Variants in FIBP observed in about 807,000 individuals in gnomAD.
The protein encoded by FIBP is acidic fibroblast growth factor intracellular-binding protein.
A neutral mutation model predicts 40.5 loss-of-function variants in FIBP; 29 were observed. That is an observed-to-expected ratio of 0.72 (90% CI 0.53 to 0.98). FIBP has a LOEUF of 0.98. Ranked by LOEUF, FIBP falls within the 50% of genes least tolerant of loss-of-function variation. FIBP has a pLI of 0.00. For missense variants in FIBP, 411 were observed against 470.2 expected, an observed-to-expected ratio of 0.87 and a Z score of 1.16; for synonymous variants, 215 against 191.1, an observed-to-expected ratio of 1.13 and a Z score of -1.03.
In FIBP at chr11:65,888,352, A is replaced by G; in HGVS notation, c.67T>C (p.Trp23Arg). The change falls in exon 1 of 10, where the codon TGG becomes CGG. Residue 23 changes from tryptophan (W) to arginine (R), a missense_variant. By Grantham distance (101) the Trp-to-Arg change is moderately radical. Coordinates refer to ENST00000357519, the MANE Select transcript of FIBP (RefSeq NM_004214.5). Reference sequence around the variant, plus strand: ...CACGGACCCGAGTAACCATCGAGCCAGAGGCGATACACGTCCTCGTCGATA... The same window carrying G: ...CACGGACCCGAGTAACCATCGAGCCGGAGGCGATACACGTCCTCGTCGATA... ...TLIDEDVYRL[W>R]LDGYSVTDAV... 1 of 1,557,830 alleles carries G rather than the reference A, an allele frequency of 6.4e-7. No individual in the cohort carries two copies. The highest frequency in any genetic ancestry group is 8.7e-7 in the Non-Finnish European group (1 of 1,150,398).
intron 3 of FIBP, 68 bp downstream of exon 3, chr11:65,887,532 G>A (rs1199793321): frequency 6.4e-7 from 1 of 1,555,414 alleles, no homozygotes; most frequent in Admixed American, 1.7e-5. Flanking sequence ...GCTGGAACTG[G>A]GCCAGTGGCC....
chr11:65,885,877 T>C (rs1040158084), intron 4 of FIBP: 3 of 552,188 alleles, frequency 5.4e-6, no homozygotes, highest in Non-Finnish European at 9.6e-6. Context: ...TGGGAGACCA[T>C]AAGGGTAACA....
Position 65,884,422 on chromosome 11 carries a change from G to T in FIBP, c.974C>A (p.Ser325Ter). Reference sequence around the variant, plus strand: ...GCCATCGAGGGAGTGGACAGACGCTGAATACTGATTCAGGAAGAACCGCAC... The same window carrying T: ...GCCATCGAGGGAGTGGACAGACGCTTAATACTGATTCAGGAAGAACCGCAC... Reference protein sequence around the residue: ...SDVRFFLNQYSASVHSLDGFR... With the variant: ...SDVRFFLNQY Residue 325 changes from serine (S) to a stop codon, truncating the protein, a stop_gained, in exon 9 of 10, where the codon TCA becomes TAA. Transcript: ENST00000357519. LOFTEE classifies it high-confidence loss of function. 1 of 1,614,126 alleles carries T rather than the reference G, an allele frequency of 6.2e-7. No individual in the cohort carries two copies. Among genetic ancestry groups the T allele is most frequent in the Non-Finnish European group, 8.5e-7 (1 of 1,180,018 alleles).
At chr11:65,886,104 T>C (rs1218221638) in intron 4 of FIBP, 5 of 505,332 alleles carry the variant, frequency 9.9e-6, no homozygotes, top group Non-Finnish European at 1.8e-5. Context: ...AGGCAGAGGT[T>C]GCAGTGAGCC....
At position 65,888,437 on chromosome 11, in the gene FIBP, A is replaced by C; in HGVS notation, c.-19T>G. 1 of 1,549,920 alleles carries C rather than the reference A, an allele frequency of 6.5e-7. No individual in the cohort carries two copies. The highest frequency in any genetic ancestry group is 8.7e-7 in the Non-Finnish European group (1 of 1,145,160). On this transcript the variant is annotated 5_prime_UTR_variant, in exon 1 of 10. Coordinates refer to ENST00000357519, the MANE Select transcript of FIBP (RefSeq NM_004214.5). Reference sequence around the variant, plus strand: ...TGGTCATGGCGACGCCCGGGGCCGCAGCGCCCCGAGCAGGAGCGAGCACTG... The same window carrying C: ...TGGTCATGGCGACGCCCGGGGCCGCCGCGCCCCGAGCAGGAGCGAGCACTG...
rs1157345838 is a variant in FIBP at position 65,887,954 on chromosome 11, C to T, written c.264G>A (p.Arg88=). The T allele has an allele frequency of 1.2e-6, 2 of 1,613,688 alleles. No individual in the cohort carries two copies. Among genetic ancestry groups the T allele is most frequent in the South Asian group, 2.2e-5 (2 of 90,974 alleles). Residue 88 remains arginine (R), a synonymous_variant, in exon 2 of 10, where the codon CGG becomes CGA. Transcript: ENST00000357519. ...AGCACCTCTCGATGAGTAGTGCCTG[C>T]CGGGAGGGCGGAATCTGGAAGATGA... The part of the protein sequence containing the change: ...HQLIFQIPPS[R]QALLIERYYA...
chr11:65,885,298 G>A (rs1382112959), intron 5 of FIBP, 112 bp from the exon 6 acceptor site: 20 of 982,514 alleles, frequency 2.0e-5, no homozygotes, highest in African/African-American at 6.4e-5. Flanking sequence ...AGAGGAAATG[G>A]AGTGTCAGAG....
Position 65,883,855 on chromosome 11 carries a change from G to A in FIBP, c.*119C>T. 1 of 875,568 alleles carries A rather than the reference G, an allele frequency of 1.1e-6. No individual in the cohort carries two copies. The highest frequency in any genetic ancestry group is 1.8e-6 in the Non-Finnish European group (1 of 555,118). 54.2% of individuals were successfully genotyped at this position (875,568 alleles called of 1,614,324 possible). A position where few individuals can be genotyped will look rare whatever the true frequency, so the allele number is the denominator to read the frequency against. On this transcript the variant is annotated 3_prime_UTR_variant, in exon 10 of 10. Coordinates refer to ENST00000357519, the MANE Select transcript of FIBP (RefSeq NM_004214.5). ...ATCCATCCTTGTACACGGACACCAG[G>A]TGCTCAGAGACAGACACAGGCACAT...
chr11:65,886,573 T>G (rs1052656142), intron 3 of FIBP, 151 bp from the exon 4 acceptor site: 7 of 616,338 alleles, frequency 1.1e-5, no homozygotes, highest in Non-Finnish European at 2.1e-5. Flanking sequence ...TTCAACCAAC[T>G]ATTAGTTATT....
rs113682559 is a variant in FIBP, at chr11:65,887,492, CTAGG to C, written c.411+104_411+107del. 1.7e-4 allele frequency: 178 copies of C among 1,059,894 alleles called. No homozygotes were observed. In the African/African-American group the frequency reaches 2.6e-3, roughly 15 times the overall value. 65.7% of individuals were successfully genotyped at this position (1,059,894 alleles called of 1,614,324 possible). A position where few individuals can be genotyped will look rare whatever the true frequency, so the allele number is the denominator to read the frequency against. ...GGGGAAAGGGGAAGGGAGGAGAAGA[CTAGG>C]TATGAAGCTGCTGCCACAATCAGAG... On this transcript the variant is annotated intron_variant, in intron 3 of 9. Transcript: ENST00000357519.
In FIBP at chr11:65,883,798, TATGTCTCAGTTCCCAAGGAGCC is replaced by T; in HGVS notation, c.*154_*175del. 2 of 733,170 alleles carry T rather than the reference TATGTCTCAGTTCCCAAGGAGCC, an allele frequency of 2.7e-6. No homozygotes were observed. Among genetic ancestry groups the T allele is most frequent in the Non-Finnish European group, 4.6e-6 (2 of 438,924 alleles). 45.4% of individuals were successfully genotyped at this position (733,170 alleles called of 1,614,324 possible). On this transcript the variant is annotated 3_prime_UTR_variant, in exon 10 of 10. Transcript: ENST00000357519. The stretch of plus-strand genomic sequence containing the variant: ...TGAGCACAGACACCATTCCCTGAGA[TATGTCTCAGTTCCCAAGGAGCC>T]ACTGTACACATCCATCCTTGTACAC...
Position 65,885,192 on chromosome 11 carries a change from AGGC to A in FIBP, c.647-9_647-7del. 1.6e-6 allele frequency: 1 copy of A among 636,210 alleles called. No individual in the cohort carries two copies. The highest frequency in any genetic ancestry group is 2.7e-6 in the Non-Finnish European group (1 of 373,180). The allele number at this position is 636,210 out of a possible 1,614,324, so 39.4% of individuals were successfully genotyped here. On this transcript the variant is annotated splice_polypyrimidine_tract_variant and splice_region_variant and intron_variant, in intron 5 of 9. Coordinates refer to ENST00000357519, the MANE Select transcript of FIBP (RefSeq NM_004214.5). ...CATGTCATCCATCTGTGAGTCTGTG[AGGC>A]CATGAAGGGGGTGGGGGTGGGTGAT...
Position 65,885,533 on chromosome 11 carries a change from C to G in FIBP, c.643G>C (p.Val215Leu). 6.2e-7 allele frequency: 1 copy of G among 1,613,222 alleles called. No homozygotes were observed. The highest frequency in any genetic ancestry group is 8.5e-7 in the Non-Finnish European group (1 of 1,179,474). Reference sequence around the variant, plus strand: ...CCTGGGTCAGTGGGGGCCTCACCGACGGCTCCAAGGGTCCAGTTTTGGATC... The same window carrying G: ...CCTGGGTCAGTGGGGGCCTCACCGAGGGCTCCAAGGGTCCAGTTTTGGATC... ...LMIQNWTLGA[V>L]DSQMDDMDMD... The change falls in exon 5 of 10, where the codon GTC becomes CTC. Residue 215 changes from valine (V) to leucine (L), a missense_variant. Physicochemically the swap from Val to Leu is conservative, Grantham distance 32 (BLOSUM62 1). Coordinates refer to ENST00000357519, the MANE Select transcript of FIBP (RefSeq NM_004214.5).
intron 7 of FIBP, 107 bp from the exon 8 acceptor site, chr11:65,884,763 C>T: frequency 7.5e-7 from 1 of 1,337,644 alleles, no homozygotes; most frequent in Non-Finnish European, 1.1e-6. Flanking sequence ...CCATCCACCT[C>T]CCTCCATCAA....
At position 65,888,196 on chromosome 11, in the gene FIBP, A is replaced by G. The variant is rs910047623; in HGVS notation, c.86-64T>C. 55 of 1,499,966 alleles carry G rather than the reference A, an allele frequency of 3.7e-5. No homozygotes were observed. In the African/African-American group the frequency reaches 6.5e-4, roughly 18 times the overall value. 92.9% of individuals were successfully genotyped at this position (1,499,966 alleles called of 1,614,324 possible). ...ACGCCAGAGGCCCTTAAGGGTTTCC[A>G]TCCCAGACCCCTATAACACCTCTTA... On this transcript the variant is annotated intron_variant, in intron 1 of 9. Transcript: ENST00000357519.
At chr11:65,884,828 C>G in intron 7 of FIBP, 107 bp downstream of exon 7, 1 of 1,419,650 alleles carries the variant, frequency 7.0e-7, no homozygotes, top group Non-Finnish European at 9.9e-7. Flanking sequence ...GAGGGAGCAG[C>G]AGTGCCACCT....
intron 5 of FIBP, 43 bp downstream of exon 5, chr11:65,885,487 G>A: frequency 1.9e-6 from 3 of 1,598,472 alleles, no homozygotes; most frequent in Non-Finnish European, 2.6e-6. Flanking sequence ...CAGGTCCTGA[G>A]GATGGGGAGG....
rs1331919359 is a variant in FIBP at position 65,884,398 on chromosome 11, C to T, written c.998G>A (p.Gly333Asp). ...QYSASVHSLD[G>D]FRHQALWDRY... Reference sequence around the variant, plus strand: ...GGAGGACAGGGCTGCTCACCGGAAGCCATCGAGGGAGTGGACAGACGCTGA... The same window carrying T: ...GGAGGACAGGGCTGCTCACCGGAAGTCATCGAGGGAGTGGACAGACGCTGA... Residue 333 changes from glycine (G) to aspartate (D), a missense_variant, in exon 9 of 10, where the codon GGC (glycine) becomes GAC (aspartate). Coordinates refer to ENST00000357519, the MANE Select transcript of FIBP (RefSeq NM_004214.5). The T allele has an allele frequency of 4.3e-6, 7 of 1,613,826 alleles. No individual in the cohort carries two copies. The highest frequency in any genetic ancestry group is 1.1e-5 in the South Asian group (1 of 91,048).
chr11:65,887,852 C>T, intron 2 of FIBP, 82 bp downstream of exon 2: 2 of 1,588,712 alleles, frequency 1.3e-6, no homozygotes, highest in Middle Eastern at 3.3e-4. Context: ...TAAATCCCAT[C>T]CCTCCCTGGG....
Sources: gnomAD v4.1 joint callset for allele counts on GRCh38, gnomAD v4.1.1 for gene constraint, MANE v1.5 for transcripts, NCBI Gene and HGNC (gene_info 2026-07-23, HGNC 2026-07-21) for gene names.